Variants in LRIG2 observed in about 807,000 individuals in gnomAD.
LRIG2 encodes the protein leucine rich repeats and immunoglobulin like domains 2, also known as leucine-rich repeats and immunoglobulin-like domains protein 2.
In LRIG2, 93 loss-of-function variants were observed where a neutral mutation model predicts 107.8. The ratio of observed to expected loss-of-function variants is 0.86; its 90% CI spans 0.73 to 1.03. LRIG2 has a LOEUF of 1.03. Ranked by LOEUF, LRIG2 falls within the 50% of genes least tolerant of loss-of-function variation. The pLI is 0.00. For missense variants in LRIG2, 1,226 were observed against 1,296.0 expected (o/e 0.95, Z 0.83); for synonymous variants, 471 against 470.6 (o/e 1.00, Z -0.01).
chr1:113,115,272 C>T (rs913106351), intron 15 of LRIG2, among the ~76,000 whole-genome samples: 9 of 152,138 alleles, frequency 5.9e-5, no homozygotes, highest in South Asian at 4.1e-4. Context: ...CAGAGTGTAT[C>T]GGTACATTCA....
At position 113,113,527 on chromosome 1, in the gene LRIG2, C is replaced by CATTTATTT. The variant is rs71590539; in HGVS notation, c.2080+812_2080+819dup. Among the ~76,000 whole-genome samples the CATTTATTT allele has an allele frequency of 2.8e-3, 391 of 138,488 alleles. 1 individual carries two copies. Among genetic ancestry groups the CATTTATTT allele is most frequent in the African/African-American group, 6.8e-3 (253 of 37,280 alleles). The allele number at this position is 138,488 out of a possible 152,430, so 90.9% of individuals were successfully genotyped here. ...TTGTATAACCAGAAAAATAAGAAGT[C>CATTTATTT]ATTTATTTATTTATTTATTTATTTA... is the stretch of plus-strand genomic sequence containing the variant. On this transcript the variant is annotated intron_variant, in intron 14 of 17. Transcript: ENST00000361127.
chr1:113,103,279 T>C (rs1654383051), intron 11 of LRIG2: 1 of 152,180 alleles, frequency 6.6e-6, no homozygotes, highest in Non-Finnish European at 1.5e-5. Context: ...TCTTCCTCAT[T>C]GTAGACCATT....
Position 113,079,030 on chromosome 1 carries a change from A to G in LRIG2, c.239+5385A>G, listed in dbSNP as rs576991743. On this transcript the variant is annotated intron_variant, in intron 1 of 17. Coordinates refer to ENST00000361127, the MANE Select transcript of LRIG2 (RefSeq NM_014813.3). ...AAGTAATCTACTTTAATAGCTTTAA[A>G]CCACAAGTTGGTAAATTGAAAATGA... Among the ~76,000 whole-genome samples the G allele has an allele frequency of 5.9e-5, 9 of 152,224 alleles. No individual in the cohort carries two copies. In the South Asian group the frequency reaches 1.9e-3, roughly 32 times the overall value.
At chr1:113,104,338 C>A (rs1161574280) in intron 11 of LRIG2, among the ~76,000 whole-genome samples, 1 of 152,142 alleles carries the variant, frequency 6.6e-6, no homozygotes, top group African/African-American at 2.4e-5. Flanking sequence ...CCCCACCCTT[C>A]CTGGGGATCT....
chr1:113,112,455 T>G (rs1654810032), intron 13 of LRIG2, 24 bp from the exon 14 acceptor site: 3 of 1,589,476 alleles, frequency 1.9e-6, no homozygotes, highest in Non-Finnish European at 2.6e-6. Flanking sequence ...GCCCACTTTT[T>G]CTTGGTGATT....
At chr1:113,073,847 A>G (rs1483233751) in intron 1 of LRIG2, among the ~76,000 whole-genome samples, 1 of 151,962 alleles carries the variant, frequency 6.6e-6, no homozygotes, top group East Asian at 1.9e-4. Flanking sequence ...GGAGAATTGT[A>G]TGAAGACGAG....
At chr1:113,107,510 AG>A in intron 11 of LRIG2, 83 bp from the exon 12 acceptor site, 1 of 1,215,300 alleles carries the variant, frequency 8.2e-7, no homozygotes, top group Non-Finnish European at 1.1e-6. Context: ...AATAATGGAT[AG>A]GTGTGTGGTA....
intron 17 of LRIG2, among the ~76,000 whole-genome samples, chr1:113,121,035 C>G (rs1469560126): frequency 6.6e-6 from 1 of 152,062 alleles, no homozygotes; most frequent in Middle Eastern, 3.4e-3. Context: ...CCAGGCTGGT[C>G]TCGAACTGCT....
intron 9 of LRIG2, among the ~76,000 whole-genome samples, chr1:113,099,839 T>G (rs900881576): frequency 3.9e-5 from 6 of 152,206 alleles, no homozygotes; most frequent in Non-Finnish European, 7.3e-5. Context: ...TGAATTTCTT[T>G]CATCTGACAA....
intron 11 of LRIG2, among the ~76,000 whole-genome samples, chr1:113,106,501 G>C (rs915835748): frequency 2.0e-5 from 3 of 151,884 alleles, no homozygotes; most frequent in African/African-American, 7.3e-5. Context: ...GTTGAAGTGG[G>C]TTTTCTTTTT....
intron 11 of LRIG2, among the ~76,000 whole-genome samples, chr1:113,105,516 G>A (rs1654504348): frequency 6.6e-6 from 1 of 152,120 alleles, no homozygotes; most frequent in Admixed American, 6.5e-5. Flanking sequence ...GCCTTGTGGG[G>A]AATACCAAAA....
At chr1:113,073,885 T>C (rs1368263016) in intron 1 of LRIG2, among the ~76,000 whole-genome samples, 1 of 150,886 alleles carries the variant, frequency 6.6e-6, no homozygotes, top group Non-Finnish European at 1.5e-5. Flanking sequence ...CCAAGGAGTC[T>C]GTGATTTCCT....
intron 15 of LRIG2, among the ~76,000 whole-genome samples, chr1:113,115,559 C>T (rs905432221): frequency 2.7e-5 from 4 of 149,156 alleles, no homozygotes; most frequent in African/African-American, 5.0e-5. Flanking sequence ...GATAGAGTCT[C>T]GCTCTGTTGC....
chr1:113,120,357 C>T (rs895461119), intron 17 of LRIG2, among the ~76,000 whole-genome samples: 2 of 151,630 alleles, frequency 1.3e-5, no homozygotes, highest in Middle Eastern at 3.2e-3. Context: ...AGCTGAGGCA[C>T]GAGAATCACT....
In LRIG2 at chr1:113,073,245, C is replaced by G. The variant is rs954787020; in HGVS notation, c.-162C>G. On this transcript the variant is annotated 5_prime_UTR_variant, in exon 1 of 18. Transcript: ENST00000361127. ...CGTGTGTCCCAGGCCGTCGACCCCGCTGTCGCGCTGCGTCTGCTCCTTGCA... is the reference window on the plus strand; with the variant it reads ...CGTGTGTCCCAGGCCGTCGACCCCGGTGTCGCGCTGCGTCTGCTCCTTGCA... 3.1e-6 allele frequency: 2 copies of G among 655,728 alleles called. No individual in the cohort carries two copies. The highest frequency in any genetic ancestry group is 1.8e-5 in the South Asian group (1 of 54,692). 40.6% of individuals were successfully genotyped at this position (655,728 alleles called of 1,614,324 possible).
At chr1:113,111,060 A>G (rs1654755278) in intron 13 of LRIG2, among the ~76,000 whole-genome samples, 3 of 151,818 alleles carry the variant, frequency 2.0e-5, no homozygotes, top group Admixed American at 6.6e-5. Context: ...TTTGAGATGG[A>G]GTCTCGCTCT....
intron 15 of LRIG2, among the ~76,000 whole-genome samples, chr1:113,115,274 G>T (rs545623994): frequency 1.8e-4 from 28 of 152,262 alleles, no homozygotes; most frequent in African/African-American, 6.5e-4. Context: ...GAGTGTATCG[G>T]TACATTCATG....
chr1:113,088,250 C>G (rs562454417), intron 1 of LRIG2, among the ~76,000 whole-genome samples: 10 of 152,056 alleles, frequency 6.6e-5, no homozygotes, highest in Non-Finnish European at 1.3e-4. Context: ...CAACATTTTC[C>G]GGTACAGAGG....
chr1:113,077,885 C>T (rs950120831), intron 1 of LRIG2, among the ~76,000 whole-genome samples: 2 of 108,806 alleles, frequency 1.8e-5, no homozygotes, highest in Non-Finnish European at 3.5e-5. Flanking sequence ...TCCCTCCCCC[C>T]TCCCCCCACC....
Sources: allele counts gnomAD v4.1 joint callset (sites outside exome capture counted in the v4.1 genomes callset), GRCh38; gene constraint gnomAD v4.1.1; transcripts MANE v1.5; gene names NCBI Gene and HGNC (gene_info 2026-07-23, HGNC 2026-07-21).